The following STAG1 variants were observed in gnomAD, a reference collection of about 807,000 sequenced individuals.
The protein encoded by STAG1 is cohesin subunit SA-1.
Under a neutral mutation model 170.9 loss-of-function variants are expected in STAG1, and 26 were observed. The ratio of observed to expected loss-of-function variants is 0.15; its 90% CI spans 0.11 to 0.21. The LOEUF (loss-of-function observed/expected upper bound fraction) is 0.21. Ranked by LOEUF, STAG1 falls within the 10% of genes least tolerant of loss-of-function variation. The pLI, the probability that STAG1 is intolerant of heterozygous loss-of-function variation, is 1.00. For synonymous variants in STAG1, 514 were observed against 497.7 expected, an observed-to-expected ratio of 1.03 and a Z score of -0.44; for missense variants, 964 against 1,509.5, an observed-to-expected ratio of 0.64 and a Z score of 5.99.
At chr3:136,514,031 T>C (rs1393567071) in intron 7 of STAG1, among the ~76,000 whole-genome samples, 2 of 152,220 alleles carry the variant, frequency 1.3e-5, no homozygotes, top group Non-Finnish European at 2.9e-5. Context: ...TAACAAGTTA[T>C]GGCATAGTCA....
At chr3:136,583,390 T>C (rs2107781929) in intron 4 of STAG1, among the ~76,000 whole-genome samples, 1 of 152,274 alleles carries the variant, frequency 6.6e-6, no homozygotes, top group Non-Finnish European at 1.5e-5. Context: ...GAAACTGGGC[T>C]GAATTTATCA....
chr3:136,725,645 G>A (rs985892507), intron 1 of STAG1, among the ~76,000 whole-genome samples: 3 of 152,162 alleles, frequency 2.0e-5, no homozygotes, highest in Admixed American at 2.0e-4. Context: ...CAGAAGGACA[G>A]CCTATCATAT....
intron 15 of STAG1, among the ~76,000 whole-genome samples, 165 bp from the exon 16 acceptor site, chr3:136,433,824 T>C (rs904884835): frequency 1.3e-5 from 2 of 152,050 alleles, no homozygotes; most frequent in African/African-American, 2.4e-5. Flanking sequence ...AGTAATTATG[T>C]GCTTGCTGTC....
At chr3:136,524,049 T>C (rs1005294457) in intron 6 of STAG1, among the ~76,000 whole-genome samples, 5 of 152,212 alleles carry the variant, frequency 3.3e-5, no homozygotes, top group African/African-American at 1.2e-4. Context: ...GCTTTGTTCT[T>C]TTGGCTTAGG....
At chr3:136,532,366 G>A (rs1158609588) in intron 6 of STAG1, among the ~76,000 whole-genome samples, 1 of 152,110 alleles carries the variant, frequency 6.6e-6, no homozygotes, top group East Asian at 1.9e-4. Flanking sequence ...ATCTGGTTTT[G>A]CTAACAGGGT....
chr3:136,389,736 T>C (rs2086958152), intron 22 of STAG1, among the ~76,000 whole-genome samples: 2 of 152,070 alleles, frequency 1.3e-5, no homozygotes, highest in African/African-American at 2.4e-5. Context: ...GCCAGGCTGG[T>C]CTCAAACTCC....
chr3:136,616,299 A>C (rs778970716), intron 3 of STAG1, among the ~76,000 whole-genome samples: 1 of 152,008 alleles, frequency 6.6e-6, no homozygotes, highest in East Asian at 1.9e-4. Flanking sequence ...CAGACCTCAA[A>C]TTTCAATAGA....
chr3:136,392,693 G>A (rs1440425228), intron 22 of STAG1, among the ~76,000 whole-genome samples: 2 of 150,964 alleles, frequency 1.3e-5, no homozygotes, highest in African/African-American at 2.4e-5. Context: ...TTGAACCTGG[G>A]AGATGGAGGT....
chr3:136,478,269 A>C (rs1170464534), intron 9 of STAG1, among the ~76,000 whole-genome samples: 1 of 152,196 alleles, frequency 6.6e-6, no homozygotes, highest in Non-Finnish European at 1.5e-5. Flanking sequence ...ATGGCAGAAC[A>C]ACCCGAAAAG....
chr3:136,490,959 T>C (rs1348712013), intron 9 of STAG1, among the ~76,000 whole-genome samples: 1 of 152,224 alleles, frequency 6.6e-6, no homozygotes, highest in African/African-American at 2.4e-5. Context: ...ACTGTCTTCA[T>C]CTTTGATGTT....
chr3:136,473,444 C>G, intron 11 of STAG1, 95 bp downstream of exon 11: 1 of 929,342 alleles, frequency 1.1e-6, no homozygotes, highest in Non-Finnish European at 1.6e-6. Flanking sequence ...AGAATATGAA[C>G]TAAACACTTG....
chr3:136,518,249 T>G (rs1231715351), intron 7 of STAG1: 1 of 582,284 alleles, frequency 1.7e-6, no homozygotes, highest in Non-Finnish European at 3.1e-6. Flanking sequence ...ATAACTAACC[T>G]GATTGTCTCT....
At chr3:136,418,990 C>A (rs1344980191) in intron 20 of STAG1, among the ~76,000 whole-genome samples, 1 of 151,982 alleles carries the variant, frequency 6.6e-6, no homozygotes, top group African/African-American at 2.4e-5. Context: ...AAAAATATAA[C>A]CACATGTGTA....
intron 21 of STAG1, among the ~76,000 whole-genome samples, chr3:136,404,924 T>C (rs963432823): frequency 6.6e-6 from 1 of 151,962 alleles, no homozygotes; most frequent in African/African-American, 2.4e-5. Flanking sequence ...CTATAGGACA[T>C]GTTTAAAAAC....
chr3:136,682,979 T>A (rs894298299), intron 1 of STAG1, among the ~76,000 whole-genome samples: 5 of 152,132 alleles, frequency 3.3e-5, no homozygotes, highest in Admixed American at 1.3e-4. Flanking sequence ...GGATGAACCT[T>A]GAGGATATTG....
chr3:136,423,071 G>T, intron 16 of STAG1, 27 bp from the exon 17 acceptor site: 1 of 1,485,526 alleles, frequency 6.7e-7, no homozygotes, highest in South Asian at 1.2e-5. Context: ...AAAAGAAGAA[G>T]AGTATTGTGT....
intron 4 of STAG1, among the ~76,000 whole-genome samples, chr3:136,603,315 G>A (rs1202626549): frequency 2.6e-5 from 4 of 151,702 alleles, no homozygotes; most frequent in African/African-American, 7.3e-5. Context: ...TACACTTCTC[G>A]TGAAAGGTGA....
chr3:136,398,149 ACT>A (rs1212775310), intron 22 of STAG1, among the ~76,000 whole-genome samples: 1 of 144,214 alleles, frequency 6.9e-6, no homozygotes, highest in African/African-American at 2.6e-5. Context: ...CAAGAGTCTC[ACT>A]CTGTCGCTCA....
chr3:136,640,043 A>C (rs1576701644), intron 1 of STAG1, among the ~76,000 whole-genome samples: 1 of 152,186 alleles, frequency 6.6e-6, no homozygotes, highest in Admixed American at 6.5e-5. Context: ...AAAACCTGTA[A>C]GTTTTTGAAG....
Sources: allele counts gnomAD v4.1 joint callset (sites outside exome capture counted in the v4.1 genomes callset), GRCh38; gene constraint gnomAD v4.1.1; transcripts MANE v1.5; gene names NCBI Gene and HGNC (gene_info 2026-07-23, HGNC 2026-07-21).